The following PPP3CC variants were observed in gnomAD, a reference collection of about 807,000 sequenced individuals.
PPP3CC encodes serine/threonine-protein phosphatase 2B catalytic subunit gamma isoform.
A neutral mutation model predicts 60.3 loss-of-function variants in PPP3CC; 35 were observed. The observed-to-expected ratio is 0.58, with a 90% CI of 0.44 to 0.77. The LOEUF is 0.77. PPP3CC is among the 30% of genes least tolerant of loss of function. The pLI is 0.00. For synonymous variants in PPP3CC, 206 were observed against 224.3 expected (o/e 0.92, Z 0.73); for missense variants, 570 against 628.9 (o/e 0.91, Z 1.00).
At chr8:22,450,378 C>G (rs1836975107) in intron 1 of PPP3CC, among the ~76,000 whole-genome samples, 1 of 152,120 alleles carries the variant, frequency 6.6e-6, no homozygotes. Flanking sequence ...AAAGGATTTT[C>G]TAAGTGTATT....
chr8:22,458,217 A>G (rs1284632718), intron 1 of PPP3CC, among the ~76,000 whole-genome samples: 2 of 152,214 alleles, frequency 1.3e-5, no homozygotes, highest in African/African-American at 4.8e-5. Flanking sequence ...GAATATAATT[A>G]CTGCTCTAGT....
chr8:22,520,590 C>T (rs1034747098), intron 6 of PPP3CC, among the ~76,000 whole-genome samples: 1 of 152,136 alleles, frequency 6.6e-6, no homozygotes, highest in African/African-American at 2.4e-5. Flanking sequence ...CCTGAGTCTG[C>T]TGTTGAAGCT....
intron 1 of PPP3CC, among the ~76,000 whole-genome samples, chr8:22,471,488 A>G (rs561847664): frequency 7.2e-5 from 11 of 152,274 alleles, no homozygotes; most frequent in Non-Finnish European, 1.6e-4. Context: ...AACTACTACT[A>G]TGCATAGTCT....
chr8:22,506,109 T>C lies in PPP3CC; in HGVS notation c.485-4977T>C, dbSNP rs113778945. On this transcript the variant is annotated intron_variant, in intron 4 of 13. Transcript: ENST00000240139. Reference sequence around the variant, plus strand: ...CAGTGTCTGTTGTTCTGGGAGGGCATCTTTCAAATGGGAATTTCATCTCCT... The same window carrying C: ...CAGTGTCTGTTGTTCTGGGAGGGCACCTTTCAAATGGGAATTTCATCTCCT... Among the ~76,000 whole-genome samples the C allele has an allele frequency of 2.6e-5, 4 of 152,202 alleles. 1 individual carries two copies. Among genetic ancestry groups the C allele is most frequent in the African/African-American group, 9.6e-5 (4 of 41,552 alleles).
chr8:22,452,781 A>G (rs1407613943), intron 1 of PPP3CC, among the ~76,000 whole-genome samples: 4 of 151,848 alleles, frequency 2.6e-5, no homozygotes, highest in African/African-American at 9.7e-5. Flanking sequence ...AGTACTCCAT[A>G]TATGTTATGG....
At chr8:22,484,734 T>C (rs907168920) in intron 3 of PPP3CC, among the ~76,000 whole-genome samples, 3 of 152,244 alleles carry the variant, frequency 2.0e-5, no homozygotes, top group Non-Finnish European at 4.4e-5. Flanking sequence ...AGGCTATCTT[T>C]ACATGGGAAT....
chr8:22,540,749 G>A lies in PPP3CC; in HGVS notation c.1486G>A (p.Ala496Thr). The A allele has an allele frequency of 6.2e-7, 1 of 1,614,012 alleles. No homozygotes were observed. Among genetic ancestry groups the A allele is most frequent in the Non-Finnish European group, 8.5e-7 (1 of 1,179,984 alleles). ...AGGPMKSVTS[A>T]HSHAAHRSDQ... is the part of the protein sequence containing the mutation. Reference sequence around the variant, plus strand: ...TGGGCCAATGAAATCTGTAACCTCAGCACACTCACATGCTGCGCACAGGAG... The same window carrying A: ...TGGGCCAATGAAATCTGTAACCTCAACACACTCACATGCTGCGCACAGGAG... The change falls in exon 14 of 14, where the codon GCA becomes ACA. Residue 496 changes from alanine to threonine, a missense_variant. Ala to Thr is a moderately conservative substitution (Grantham distance 58). Transcript: ENST00000240139.
intron 1 of PPP3CC, among the ~76,000 whole-genome samples, chr8:22,464,976 C>CTTT (rs59235298): frequency 3.0e-5 from 4 of 135,244 alleles, no homozygotes; most frequent in Non-Finnish European, 3.2e-5. Context: ...TAGACTCTCC[C>CTTT]TTTTTTTTTT....
At chr8:22,478,755 A>G (rs767526956) in intron 3 of PPP3CC, among the ~76,000 whole-genome samples, 5 of 152,216 alleles carry the variant, frequency 3.3e-5, no homozygotes, top group Non-Finnish European at 7.3e-5. Context: ...ACTTACGAAT[A>G]GACTTTTGTT....
intron 12 of PPP3CC, among the ~76,000 whole-genome samples, 152 bp from the exon 13 acceptor site, chr8:22,539,314 ATCT>A (rs1839909978): frequency 2.0e-5 from 3 of 152,088 alleles, no homozygotes; most frequent in African/African-American, 4.8e-5. Context: ...TCTCGCAATA[ATCT>A]TCTCGCTTCT....
At chr8:22,485,555 C>A (rs1427349321) in intron 3 of PPP3CC, among the ~76,000 whole-genome samples, 1 of 152,132 alleles carries the variant, frequency 6.6e-6, no homozygotes, top group Non-Finnish European at 1.5e-5. Flanking sequence ...CTTGCAGAAG[C>A]CGTTAGAGGA....
chr8:22,455,171 A>C (rs1429440931), intron 1 of PPP3CC, among the ~76,000 whole-genome samples: 1 of 152,194 alleles, frequency 6.6e-6, no homozygotes, highest in African/African-American at 2.4e-5. Flanking sequence ...ATGTATTCAT[A>C]AATATTTGAT....
rs1256988318 is a variant in PPP3CC at position 22,481,371 on chromosome 8, A to ATAATAATAAT, written c.372+5748_372+5757dup. Among the ~76,000 whole-genome samples the ATAATAATAAT allele has an allele frequency of 6.6e-4, 98 of 148,608 alleles. 2 individuals carry two copies. The highest frequency in any genetic ancestry group is 2.3e-3 in the African/African-American group (92 of 40,730). ...AATAATAATAATAATAATAATAATA[A>ATAATAATAAT]TAATAATAATGATAATATTCATTCA... is the stretch of plus-strand genomic sequence containing the variant. On this transcript the variant is annotated intron_variant, in intron 3 of 13. Coordinates refer to ENST00000240139, the MANE Select transcript of PPP3CC (RefSeq NM_005605.5).
chr8:22,484,683 T>C (rs771498967), intron 3 of PPP3CC, among the ~76,000 whole-genome samples: 34 of 152,242 alleles, frequency 2.2e-4, no homozygotes, highest in Non-Finnish European at 3.7e-4. Context: ...CAATTCTTTA[T>C]CCTTGAAGAT....
intron 10 of PPP3CC, among the ~76,000 whole-genome samples, chr8:22,530,905 C>CA (rs1200207760): frequency 1.7e-5 from 2 of 119,450 alleles, no homozygotes; most frequent in Non-Finnish European, 3.7e-5. Context: ...ATCCATTAAA[C>CA]AAAAAAACAT....
At chr8:22,536,177 G>C (rs543045257) in intron 12 of PPP3CC, among the ~76,000 whole-genome samples, 18 of 152,176 alleles carry the variant, frequency 1.2e-4, no homozygotes, top group Non-Finnish European at 2.2e-4. Context: ...TTCACAGAAA[G>C]TATCAGTAAA....
chr8:22,505,277 G>A (rs1486653489), intron 4 of PPP3CC, among the ~76,000 whole-genome samples: 2 of 151,804 alleles, frequency 1.3e-5, no homozygotes, highest in African/African-American at 4.8e-5. Flanking sequence ...CACCTGCCTC[G>A]GCCTCCCAAA....
At chr8:22,471,568 A>C (rs1282203085) in intron 1 of PPP3CC, among the ~76,000 whole-genome samples, 1 of 152,212 alleles carries the variant, frequency 6.6e-6, no homozygotes, top group South Asian at 2.1e-4. Flanking sequence ...TACTGTAGGC[A>C]GTTATAACAC....
intron 4 of PPP3CC, among the ~76,000 whole-genome samples, chr8:22,510,600 C>G (rs566752406): frequency 6.6e-6 from 1 of 152,128 alleles, no homozygotes; most frequent in Non-Finnish European, 1.5e-5. Flanking sequence ...GAGTGCATAC[C>G]GCAGTCCAGC....
Sources: gnomAD v4.1 joint callset for allele counts (sites outside exome capture counted in the v4.1 genomes callset) on GRCh38, gnomAD v4.1.1 for gene constraint, MANE v1.5 for transcripts, NCBI Gene and HGNC (gene_info 2026-07-23, HGNC 2026-07-21) for gene names.